AGPS: variants seen among roughly 807,000 people sequenced by gnomAD.
AGPS encodes the protein alkyldihydroxyacetonephosphate synthase, peroxisomal.
A neutral mutation model predicts 90.7 loss-of-function variants in AGPS; 26 were observed. The observed-to-expected ratio is 0.29, with a 90% CI of 0.21 to 0.40. The LOEUF is 0.40. Among genes scored for constraint, AGPS ranks in the 10% least tolerant of loss-of-function variants. The probability of loss-of-function intolerance (pLI) is 1.00; values close to 1 mark genes in which losing one functional copy is unlikely to be tolerated. For synonymous variants in AGPS, 294 were observed against 285.3 expected, an observed-to-expected ratio of 1.03 and a Z score of -0.31; for missense variants, 540 against 816.1, an observed-to-expected ratio of 0.66 and a Z score of 4.12.
chr2:177,459,809 T>C (rs569837608), intron 8 of AGPS, among the ~76,000 whole-genome samples: 1 of 152,196 alleles, frequency 6.6e-6, no homozygotes, highest in Non-Finnish European at 1.5e-5. Context: ...GCAATCCCAT[T>C]ACTGGGTATA....
At chr2:177,448,547 G>C (rs1470524663) in intron 8 of AGPS, among the ~76,000 whole-genome samples, 1 of 152,064 alleles carries the variant, frequency 6.6e-6, no homozygotes, top group African/African-American at 2.4e-5. Context: ...TTGCAATCTT[G>C]TCTCCAAAAT....
rs558457632 is a variant in AGPS at position 177,538,893 on chromosome 2, A to G, written c.*698A>G. On this transcript the variant is annotated 3_prime_UTR_variant, in exon 20 of 20. Coordinates refer to ENST00000264167, the MANE Select transcript of AGPS (RefSeq NM_003659.4). ...TATCACTGAGATAACCTATTGTTAT[A>G]TTCTAATTCATTGATAATATGTTTT... The G allele has an allele frequency of 2.0e-5, 3 of 152,152 alleles. No individual in the cohort carries two copies. Among genetic ancestry groups the G allele is most frequent in the Non-Finnish European group, 4.4e-5 (3 of 67,936 alleles). 9.4% of individuals were successfully genotyped at this position (152,152 alleles called of 1,614,324 possible).
At position 177,499,647 on chromosome 2, in the gene AGPS, T is replaced by C. The variant is rs1156474042; in HGVS notation, c.1392T>C (p.Ser464=). The C allele has an allele frequency of 6.2e-7, 1 of 1,611,628 alleles. No homozygotes were observed. Among genetic ancestry groups the C allele is most frequent in the Admixed American group, 1.7e-5 (1 of 59,932 alleles). The change falls in exon 14 of 20, where the codon AGT becomes AGC. Residue 464 remains serine, a synonymous_variant. Transcript: ENST00000264167. ...AAGGATTTGACCCAAATCAGCTAAG[T>C]GTAGCCACATTACTGTTTGAGGGGG... is the stretch of plus-strand genomic sequence containing the variant. ...KFKGFDPNQL[S]VATLLFEGDR...
chr2:177,537,499 A>C (rs1054573426), intron 19 of AGPS, among the ~76,000 whole-genome samples: 5 of 152,122 alleles, frequency 3.3e-5, no homozygotes, highest in African/African-American at 1.2e-4. Context: ...TTATTTGGGA[A>C]CATGCAAATT....
chr2:177,482,765 C>G (rs559147801), intron 11 of AGPS, among the ~76,000 whole-genome samples: 4 of 151,940 alleles, frequency 2.6e-5, no homozygotes, highest in African/African-American at 7.2e-5. Flanking sequence ...TTATTTTCTC[C>G]CCTCCTTAAA....
chr2:177,424,679 T>C (rs1686029967), intron 2 of AGPS, among the ~76,000 whole-genome samples: 1 of 152,262 alleles, frequency 6.6e-6, no homozygotes, highest in Non-Finnish European at 1.5e-5. Flanking sequence ...TCTTCCACAA[T>C]GGTTGAACTA....
chr2:177,475,914 AG>A, intron 10 of AGPS, among the ~76,000 whole-genome samples: 2 of 152,272 alleles, frequency 1.3e-5, no homozygotes, highest in South Asian at 4.1e-4. Flanking sequence ...TCCCACAAGC[AG>A]TAAATGACGG....
At chr2:177,457,800 A>G (rs1344548306) in intron 8 of AGPS, among the ~76,000 whole-genome samples, 1 of 152,202 alleles carries the variant, frequency 6.6e-6, no homozygotes, top group African/African-American at 2.4e-5. Context: ...ATTCCAAACA[A>G]TAGAAAAAGA....
intron 9 of AGPS, among the ~76,000 whole-genome samples, chr2:177,464,448 A>G (rs960461469): frequency 2.6e-5 from 4 of 152,252 alleles, no homozygotes; most frequent in Non-Finnish European, 4.4e-5. Flanking sequence ...AAAGCACAGT[A>G]ACGATGCTCA....
chr2:177,468,334 A>G (rs550599762), intron 9 of AGPS, 82 bp from the exon 10 acceptor site: 3 of 775,628 alleles, frequency 3.9e-6, no homozygotes, highest in Admixed American at 2.2e-5. Context: ...TAGGTTTTAC[A>G]TAAATATATA....
At chr2:177,456,378 T>C (rs1325538555) in intron 8 of AGPS, among the ~76,000 whole-genome samples, 1 of 152,216 alleles carries the variant, frequency 6.6e-6, no homozygotes, top group African/African-American at 2.4e-5. Flanking sequence ...CTCACTAAAT[T>C]TGCATATTGT....
intron 19 of AGPS, among the ~76,000 whole-genome samples, chr2:177,536,082 G>A (rs1239605936): frequency 2.6e-5 from 4 of 152,080 alleles, no homozygotes; most frequent in Admixed American, 2.6e-4. Flanking sequence ...CATTAAATAT[G>A]CAATGGCTGT....
chr2:177,392,921 T>TC lies in AGPS; in HGVS notation c.133dup (p.Leu45ProfsTer13). On this transcript the variant is annotated frameshift_variant, in exon 1 of 20. Coordinates refer to ENST00000264167, the MANE Select transcript of AGPS (RefSeq NM_003659.4). LOFTEE classifies it high-confidence loss of function. ...GGAGGCTGCGGGTTCTCTCTGGCCA[T>TC]CTGCTGGGCCGGCCCCGGGAGGCTC... 1 of 1,550,090 alleles carries TC rather than the reference T, an allele frequency of 6.5e-7. No homozygotes were observed. The highest frequency in any genetic ancestry group is 8.7e-7 in the Non-Finnish European group (1 of 1,146,840).
At chr2:177,393,293 C>T (rs1344462375) in intron 1 of AGPS, 3 of 985,248 alleles carry the variant, frequency 3.0e-6, no homozygotes, top group Non-Finnish European at 3.6e-6. Flanking sequence ...GAAGAACTCT[C>T]GTTGGAGAAG....
intron 1 of AGPS, among the ~76,000 whole-genome samples, chr2:177,396,637 G>GAAA (rs1685183632): frequency 6.6e-6 from 1 of 152,182 alleles, no homozygotes; most frequent in African/African-American, 2.4e-5. Context: ...AGAGGAGGCT[G>GAAA]TTGTAACACA....
At chr2:177,431,093 C>A (rs759360629) in intron 2 of AGPS, among the ~76,000 whole-genome samples, 10 of 152,100 alleles carry the variant, frequency 6.6e-5, no homozygotes, top group Non-Finnish European at 1.0e-4. Flanking sequence ...TTCTATTTTC[C>A]CTAAGTGTCG....
At chr2:177,471,105 A>T (rs1687606468) in intron 10 of AGPS, among the ~76,000 whole-genome samples, 1 of 152,200 alleles carries the variant, frequency 6.6e-6, no homozygotes, top group Non-Finnish European at 1.5e-5. Context: ...TTGTGAATAT[A>T]GAGTTATTTT....
In AGPS at chr2:177,407,262, C is replaced by T. The variant is rs761536940; in HGVS notation, c.261-13007C>T. ...GCAATACTGTCATTGTTGCAGTAAA[C>T]TACATAGAAAGGAGTAATAAGAATA... On this transcript the variant is annotated intron_variant, in intron 1 of 19. Coordinates refer to ENST00000264167, the MANE Select transcript of AGPS (RefSeq NM_003659.4). Among the ~76,000 whole-genome samples the T allele has an allele frequency of 6.0e-4, 91 of 152,190 alleles. 1 individual carries two copies. Among genetic ancestry groups the T allele is most frequent in the Middle Eastern group, 6.8e-3 (2 of 294 alleles).
intron 12 of AGPS, among the ~76,000 whole-genome samples, chr2:177,495,039 A>G (rs1688374195): frequency 1.3e-5 from 2 of 152,224 alleles, no homozygotes; most frequent in Non-Finnish European, 2.9e-5. Flanking sequence ...TATTTTTAAT[A>G]TAATCTCTAC....
Sources: gnomAD v4.1 joint callset for allele counts (sites outside exome capture counted in the v4.1 genomes callset) on GRCh38, gnomAD v4.1.1 for gene constraint, MANE v1.5 for transcripts, NCBI Gene and HGNC (gene_info 2026-07-23, HGNC 2026-07-21) for gene names.